The following ZNRF1 variants were observed in gnomAD, a reference collection of about 807,000 sequenced individuals.
The protein encoded by ZNRF1 is zinc and ring finger 1.
ZNRF1 carries 3 observed loss-of-function variants against 18.4 expected under a neutral mutation model. The observed-to-expected ratio is 0.16, with a 90% confidence interval of 0.07 to 0.42. The LOEUF (loss-of-function observed/expected upper bound fraction) is 0.42, where lower values mean the gene tolerates loss of function less well. ZNRF1 is among the 10% of genes least tolerant of loss of function. The pLI, the probability that ZNRF1 is intolerant of heterozygous loss-of-function variation, is 0.99. For missense variants in ZNRF1, 310 were observed against 329.8 expected, an observed-to-expected ratio of 0.94 and a Z score of 0.47; for synonymous variants, 157 against 144.2, an observed-to-expected ratio of 1.09 and a Z score of -0.64.
chr16:75,001,919 C>G (rs766936481), intron 1 of ZNRF1, among the ~76,000 whole-genome samples: 14 of 152,118 alleles, frequency 9.2e-5, no homozygotes, highest in Non-Finnish European at 2.1e-4. Context: ...GGGAGAGCCA[C>G]TGAACTGTGG....
At chr16:75,105,618 G>C (rs1440280901) in intron 3 of ZNRF1, 1 of 152,450 alleles carries the variant, frequency 6.6e-6, no homozygotes, top group Non-Finnish European at 1.5e-5. Flanking sequence ...AGTGTGGCTG[G>C]TGCAGAGGAG....
intron 1 of ZNRF1, among the ~76,000 whole-genome samples, chr16:75,030,350 T>G (rs1279075662): frequency 1.3e-5 from 2 of 151,336 alleles, no homozygotes; most frequent in African/African-American, 4.9e-5. Context: ...GACCCCTACC[T>G]CACACCACAT....
chr16:75,003,302 T>C (rs2034877163), intron 1 of ZNRF1, among the ~76,000 whole-genome samples: 1 of 152,226 alleles, frequency 6.6e-6, no homozygotes, highest in African/African-American at 2.4e-5. Context: ...ATTTTATCTG[T>C]TTACTTTTTT....
At chr16:75,053,629 G>T (rs1339358341) in intron 1 of ZNRF1, among the ~76,000 whole-genome samples, 1 of 151,260 alleles carries the variant, frequency 6.6e-6, no homozygotes, top group African/African-American at 2.4e-5. Context: ...ATGTCCAGTG[G>T]CTGTCACTAT....
chr16:75,044,499 T>G (rs1326666695), intron 1 of ZNRF1, among the ~76,000 whole-genome samples: 4 of 152,118 alleles, frequency 2.6e-5, no homozygotes, highest in Non-Finnish European at 5.9e-5. Context: ...AGTGCTGGGA[T>G]TATAGGCATG....
In ZNRF1 at chr16:75,107,786, T is replaced by C. The variant is rs1455081794; in HGVS notation, c.*86T>C. The stretch of plus-strand genomic sequence containing the variant: ...GGCTCACCGGACCCTGGGGCAGAGC[T>C]GAGCTTGGGACACCAGCGGGAACAG... On this transcript the variant is annotated 3_prime_UTR_variant, in exon 5 of 5. Coordinates refer to ENST00000335325, the MANE Select transcript of ZNRF1 (RefSeq NM_032268.5). 2.2e-6 allele frequency: 1 copy of C among 456,494 alleles called. No homozygotes were observed. The highest frequency in any genetic ancestry group is 7.0e-5 in the East Asian group (1 of 14,386). The allele number at this position is 456,494 out of a possible 1,614,324, so 28.3% of individuals were successfully genotyped here. A position where few individuals can be genotyped will look rare whatever the true frequency, so the allele number is the denominator to read the frequency against.
chr16:75,093,139 C>A (rs2036159404), intron 1 of ZNRF1, among the ~76,000 whole-genome samples: 1 of 152,284 alleles, frequency 6.6e-6, no homozygotes, highest in Middle Eastern at 3.4e-3. Flanking sequence ...AATCTCAGAA[C>A]TTTGGGAGGC....
At position 75,101,650 on chromosome 16, in the gene ZNRF1, G is replaced by A. The variant is rs559477287; in HGVS notation, c.521-3134G>A. On this transcript the variant is annotated intron_variant, in intron 2 of 4. Transcript: ENST00000335325. ...ATCCACCAACCCATCTTATCCTTCT[G>A]ATGCATTTCATAGTAAAATGCAAAC... 1.2e-3 allele frequency among the ~76,000 whole-genome samples: 179 copies of A among 152,272 alleles called. 1 individual carries two copies. The highest frequency in any genetic ancestry group is 4.2e-3 in the African/African-American group (173 of 41,552).
rs1006248324 is a variant in ZNRF1 at position 75,104,722 on chromosome 16, G to A, written c.521-62G>A. The A allele has an allele frequency of 5.5e-6, 8 of 1,454,616 alleles. No individual in the cohort carries two copies. The African/African-American group carries it at 8.4e-5, about 15-fold the overall frequency. The allele number at this position is 1,454,616 out of a possible 1,614,324, so 90.1% of individuals were successfully genotyped here. On this transcript the variant is annotated intron_variant, in intron 2 of 4. Coordinates refer to ENST00000335325, the MANE Select transcript of ZNRF1 (RefSeq NM_032268.5). ...TCCCCTAGTTCCTAGGCCCTTGCTT[G>A]CCCCATGCCACCTGTCCACTGGTGA... is the stretch of plus-strand genomic sequence containing the variant.
intron 3 of ZNRF1, chr16:75,106,045 A>G (rs922188533): frequency 4.2e-5 from 7 of 168,094 alleles, no homozygotes; most frequent in African/African-American, 1.7e-4. Flanking sequence ...CTCTTTCAGG[A>G]CTGTGGCACC....
chr16:75,095,747 G>A (rs1005993762), intron 2 of ZNRF1: 3 of 1,527,000 alleles, frequency 2.0e-6, no homozygotes, highest in Admixed American at 2.0e-5. Flanking sequence ...GGAGAACCGG[G>A]AAGGTGAGGC....
chr16:75,002,428 G>T (rs1035025654), intron 1 of ZNRF1: 7 of 152,188 alleles, frequency 4.6e-5, no homozygotes, highest in Non-Finnish European at 2.9e-5. Context: ...AACGATTTTG[G>T]TGCACAATTA....
intron 2 of ZNRF1, among the ~76,000 whole-genome samples, chr16:75,098,510 G>A (rs2145426069): frequency 6.6e-6 from 1 of 152,348 alleles, no homozygotes; most frequent in East Asian, 1.9e-4. Flanking sequence ...TGCCTGAAGA[G>A]CACAGCCCCC....
intron 1 of ZNRF1, among the ~76,000 whole-genome samples, chr16:75,034,445 C>T (rs1251156389): frequency 6.6e-6 from 1 of 152,146 alleles, no homozygotes; most frequent in Non-Finnish European, 1.5e-5. Context: ...AAGATTTATC[C>T]ATGTTGGAGC....
chr16:75,020,033 C>A (rs754167362), intron 1 of ZNRF1, among the ~76,000 whole-genome samples: 2 of 152,018 alleles, frequency 1.3e-5, no homozygotes, highest in Non-Finnish European at 2.9e-5. Flanking sequence ...TTTAACAATT[C>A]CAGAGAGAAC....
chr16:75,110,801 T>A lies in ZNRF1; in HGVS notation c.*3101T>A, dbSNP rs1411283887. ...GAGGGAGAGCGCAGCTGCTGCAGGATTCTCGCCTGGAAGAGTGGGTGGCTG... is the reference window on the plus strand; with the variant it reads ...GAGGGAGAGCGCAGCTGCTGCAGGAATCTCGCCTGGAAGAGTGGGTGGCTG... On this transcript the variant is annotated 3_prime_UTR_variant, in exon 5 of 5. Transcript: ENST00000335325. The A allele has an allele frequency of 6.6e-6, 1 of 151,850 alleles. No homozygotes were observed. Among genetic ancestry groups the A allele is most frequent in the East Asian group, 1.9e-4 (1 of 5,146 alleles). The allele number at this position is 151,850 out of a possible 1,614,324, so 9.4% of individuals were successfully genotyped here.
At chr16:75,100,849 C>T (rs2036246890) in intron 2 of ZNRF1, among the ~76,000 whole-genome samples, 1 of 152,190 alleles carries the variant, frequency 6.6e-6, no homozygotes, top group African/African-American at 2.4e-5. Context: ...ACGACTCTGC[C>T]CTCACTAAGC....
chr16:75,061,947 C>T (rs537849183), intron 1 of ZNRF1, among the ~76,000 whole-genome samples: 1 of 152,084 alleles, frequency 6.6e-6, no homozygotes, highest in Non-Finnish European at 1.5e-5. Flanking sequence ...AGCCTGCTGC[C>T]GAGACAGTAG....
At chr16:75,054,133 GA>G (rs1269638402) in intron 1 of ZNRF1, among the ~76,000 whole-genome samples, 2 of 152,316 alleles carry the variant, frequency 1.3e-5, no homozygotes, top group Middle Eastern at 6.8e-3. Flanking sequence ...TGGTTCCTGT[GA>G]AAAAGGCAGA....
Sources: gnomAD v4.1 joint callset for allele counts (sites outside exome capture counted in the v4.1 genomes callset) on GRCh38, gnomAD v4.1.1 for gene constraint, MANE v1.5 for transcripts, NCBI Gene and HGNC (gene_info 2026-07-23, HGNC 2026-07-21) for gene names.